TG: variants seen among roughly 807,000 people sequenced by gnomAD.
TG encodes the protein thyroid hormones.
TG carries 270 observed loss-of-function variants against 324.7 expected under a neutral mutation model. The ratio of observed to expected loss-of-function variants is 0.83; its 90% CI spans 0.75 to 0.92. The LOEUF (loss-of-function observed/expected upper bound fraction) is 0.92, where lower values mean the gene tolerates loss of function less well. Among genes scored for constraint, TG ranks in the 40% least tolerant of loss-of-function variants. The pLI, the probability that TG is intolerant of heterozygous loss-of-function variation, is 0.00. For missense variants in TG, 3,591 were observed against 3,456.4 expected, an observed-to-expected ratio of 1.04 and a Z score of -0.98; for synonymous variants, 1,401 against 1,327.0, an observed-to-expected ratio of 1.06 and a Z score of -1.21.
chr8:132,939,539 G>C (rs1295183617), intron 25 of TG, among the ~76,000 whole-genome samples: 1 of 152,188 alleles, frequency 6.6e-6, no homozygotes, highest in African/African-American at 2.4e-5. Context: ...GGCAGAAGGG[G>C]CTGAGTGAGC....
chr8:133,097,155 C>G (rs191175061), intron 43 of TG, among the ~76,000 whole-genome samples: 5 of 152,350 alleles, frequency 3.3e-5, no homozygotes, highest in African/African-American at 9.6e-5. Context: ...ACATGCATGA[C>G]ATGGGTCTCT....
intron 32 of TG, among the ~76,000 whole-genome samples, chr8:132,970,829 G>C (rs1456355074): frequency 6.6e-6 from 1 of 152,180 alleles, no homozygotes; most frequent in Non-Finnish European, 1.5e-5. Flanking sequence ...TCCAAGATAG[G>C]AAAAGGAAGC....
chr8:133,103,939 G>A (rs1849563728), intron 43 of TG, among the ~76,000 whole-genome samples: 1 of 152,236 alleles, frequency 6.6e-6, no homozygotes, highest in South Asian at 2.1e-4. Flanking sequence ...TCAGATCTTA[G>A]AAATGCCCTG....
At chr8:132,971,045 G>T (rs1300470782) in intron 32 of TG, among the ~76,000 whole-genome samples, 1 of 152,174 alleles carries the variant, frequency 6.6e-6, no homozygotes, top group Non-Finnish European at 1.5e-5. Context: ...GTTTGAGAAA[G>T]CTCTCAGGAG....
chr8:133,121,770 A>G (rs2131804743), intron 45 of TG, among the ~76,000 whole-genome samples: 1 of 152,346 alleles, frequency 6.6e-6, no homozygotes, highest in South Asian at 2.1e-4. Context: ...AAATAGTGCT[A>G]AGAGTATTCT....
Position 132,908,182 on chromosome 8 carries a change from G to A in TG, c.3848-4G>A, listed in dbSNP as rs1440946254. The stretch of plus-strand genomic sequence containing the variant: ...CTCTGCTGATCTCTGGTGCTTGCCT[G>A]CAGGGCCCCAGCTGTGGCAGACCAT... On this transcript the variant is annotated splice_region_variant and splice_polypyrimidine_tract_variant and intron_variant, in intron 17 of 47. Coordinates refer to ENST00000220616, the MANE Select transcript of TG (RefSeq NM_003235.5). 6.2e-7 allele frequency: 1 copy of A among 1,613,714 alleles called. No homozygotes were observed. Among genetic ancestry groups the A allele is most frequent in the African/African-American group, 1.3e-5 (1 of 75,054 alleles).
At position 133,017,921 on chromosome 8, in the gene TG, C is replaced by T; in HGVS notation, c.6706C>T (p.Pro2236Ser). ...DQFLGVPYAA[P>S]PLAERRFQAP... ...GTTCCTTGGAGTTCCATATGCTGCC[C>T]CGCCCCTGGCAGAGAGGCGCTTCCA... The change falls in exon 38 of 48, where the codon CCG becomes TCG. Residue 2236 changes from proline to serine, a missense_variant. Transcript: ENST00000220616. 6.2e-7 allele frequency: 1 copy of T among 1,614,196 alleles called. No individual in the cohort carries two copies. The highest frequency in any genetic ancestry group is 8.5e-7 in the Non-Finnish European group (1 of 1,180,048).
chr8:132,938,379 C>T (rs953336771), intron 25 of TG, among the ~76,000 whole-genome samples: 1 of 152,094 alleles, frequency 6.6e-6, no homozygotes, highest in Non-Finnish European at 1.5e-5. Flanking sequence ...GATGTCAGTG[C>T]CCAAAGGTTC....
At chr8:133,075,250 A>C in intron 41 of TG, 1 of 445,184 alleles carries the variant, frequency 2.2e-6, no homozygotes, top group Non-Finnish European at 3.0e-6. Flanking sequence ...AGGCAAATCA[A>C]TGGGGCTGTG....
Position 132,983,495 on chromosome 8 carries a change from A to G in TG, c.6262+83A>G. 10 of 1,341,490 alleles carry G rather than the reference A, an allele frequency of 7.5e-6. 1 individual carries two copies. The highest frequency in any genetic ancestry group is 1.1e-5 in the Non-Finnish European group (10 of 932,052). 83.1% of individuals were successfully genotyped at this position (1,341,490 alleles called of 1,614,324 possible). A position where few individuals can be genotyped will look rare whatever the true frequency, so the allele number is the denominator to read the frequency against. ...CTCCTCTTCCCCCTTGCTTTTGTACAGAAGTTGATAGCTTGCATATCACTC... is the reference window on the plus strand; with the variant it reads ...CTCCTCTTCCCCCTTGCTTTTGTACGGAAGTTGATAGCTTGCATATCACTC... On this transcript the variant is annotated intron_variant, in intron 35 of 47. Transcript: ENST00000220616.
intron 43 of TG, among the ~76,000 whole-genome samples, chr8:133,105,739 G>A (rs1274605834): frequency 6.6e-6 from 1 of 152,188 alleles, no homozygotes; most frequent in Non-Finnish European, 1.5e-5. Flanking sequence ...CAGAATGGGA[G>A]GAAAAGGGGA....
intron 15 of TG, among the ~76,000 whole-genome samples, 187 bp from the exon 16 acceptor site, chr8:132,901,166 G>C (rs1366030750): frequency 6.6e-6 from 1 of 152,252 alleles, no homozygotes; most frequent in Admixed American, 6.5e-5. Flanking sequence ...AGAGTACAGA[G>C]CTGAGCCAGG....
chr8:133,016,298 T>C (rs1214900470), intron 37 of TG, among the ~76,000 whole-genome samples: 1 of 152,168 alleles, frequency 6.6e-6, no homozygotes, highest in Non-Finnish European at 1.5e-5. Flanking sequence ...CTTTGTTGTA[T>C]ATGTGTGGGA....
intron 41 of TG, among the ~76,000 whole-genome samples, chr8:133,057,550 G>A (rs892284622): frequency 6.6e-6 from 1 of 152,158 alleles, no homozygotes; most frequent in Admixed American, 6.5e-5. Context: ...TGCTGTCGCT[G>A]TGAGGAGGGA....
intron 17 of TG, among the ~76,000 whole-genome samples, 197 bp from the exon 18 acceptor site, chr8:132,907,989 C>G (rs956993756): frequency 5.9e-5 from 9 of 152,294 alleles, no homozygotes; most frequent in African/African-American, 2.2e-4. Context: ...ACTGAGCTTT[C>G]TGTGAGGGTG....
At chr8:133,038,353 TG>T in intron 41 of TG, 1 of 616,762 alleles carries the variant, frequency 1.6e-6, no homozygotes, top group East Asian at 2.7e-5. Flanking sequence ...GGGGTTCCTT[TG>T]GTCATGATGT....
intron 31 of TG, among the ~76,000 whole-genome samples, chr8:132,969,210 T>C (rs940971058): frequency 6.6e-6 from 1 of 152,180 alleles, no homozygotes; most frequent in African/African-American, 2.4e-5. Context: ...GGCCTATTTT[T>C]ATTTCTCCAT....
Position 133,013,710 on chromosome 8 carries a change from C to G in TG, c.6508C>G (p.Gln2170Glu), listed in dbSNP as rs1031353698. ...TQSCTHSLQG[Q>E]NCRLLLREEA... ...AAGCTGCACACATAGTCTGCAGGGT[C>G]AGAACTGCCGACTTCTGCTTCGTGA... is the stretch of plus-strand genomic sequence containing the variant. Residue 2170 changes from glutamine (Q) to glutamate (E), a missense_variant, in exon 37 of 48, where the codon CAG becomes GAG. Gln to Glu is a conservative substitution (Grantham distance 29). Transcript: ENST00000220616. 6.2e-7 allele frequency: 1 copy of G among 1,613,886 alleles called. No individual in the cohort carries two copies.
At chr8:133,077,114 C>T (rs1845011322) in intron 41 of TG, among the ~76,000 whole-genome samples, 1 of 152,080 alleles carries the variant, frequency 6.6e-6, no homozygotes, top group African/African-American at 2.4e-5. Context: ...AGGCTGAGAA[C>T]TGTAGGAGGA....
Sources: allele counts gnomAD v4.1 joint callset (sites outside exome capture counted in the v4.1 genomes callset), GRCh38; gene constraint gnomAD v4.1.1; transcripts MANE v1.5; gene names NCBI Gene and HGNC (gene_info 2026-07-23, HGNC 2026-07-21).